Variants in MAST4 observed in about 807,000 individuals in gnomAD.
MAST4 encodes microtubule-associated serine/threonine-protein kinase 4.
A neutral mutation model predicts 162.7 loss-of-function variants in MAST4; 89 were observed. The observed-to-expected ratio is 0.55, with a 90% CI of 0.46 to 0.65. The LOEUF is 0.65. Ranked by LOEUF, MAST4 falls within the 30% of genes least tolerant of loss-of-function variation. The probability of loss-of-function intolerance (pLI) is 0.00; values close to 1 mark genes in which losing one functional copy is unlikely to be tolerated. For missense variants in MAST4, 3,153 were observed against 3,374.0 expected (o/e 0.93, Z 1.62); for synonymous variants, 1,479 against 1,361.1 (o/e 1.09, Z -1.91).
chr5:66,829,266 T>C (rs1757437520), intron 3 of MAST4, among the ~76,000 whole-genome samples: 1 of 152,084 alleles, frequency 6.6e-6, no homozygotes. Context: ...CAGTTTTGTG[T>C]CGGGATCAAC....
chr5:66,665,219 T>G (rs545833069), intron 1 of MAST4, among the ~76,000 whole-genome samples: 2 of 137,390 alleles, frequency 1.5e-5, no homozygotes, highest in South Asian at 4.4e-4. Context: ...AGTCTTTGAT[T>G]GTTTGTTTCT....
intron 3 of MAST4, among the ~76,000 whole-genome samples, chr5:66,843,245 G>A (rs569605793): frequency 1.2e-4 from 19 of 152,262 alleles, no homozygotes; most frequent in African/African-American, 1.7e-4. Context: ...TAGTTGTCAC[G>A]TTAGTGGTCC....
chr5:66,952,825 T>C (rs942895345), intron 4 of MAST4, among the ~76,000 whole-genome samples: 6 of 152,174 alleles, frequency 3.9e-5, no homozygotes, highest in African/African-American at 1.4e-4. Flanking sequence ...TTGCCCATCA[T>C]CTCATCTTCC....
At chr5:66,898,833 C>T (rs995919167) in intron 3 of MAST4, among the ~76,000 whole-genome samples, 3 of 152,166 alleles carry the variant, frequency 2.0e-5, no homozygotes, top group Non-Finnish European at 4.4e-5. Flanking sequence ...AGCTCTCCTC[C>T]CCTCTGGTCT....
chr5:66,995,898 C>CAA (rs1345032485), intron 4 of MAST4, among the ~76,000 whole-genome samples: 2 of 150,124 alleles, frequency 1.3e-5, no homozygotes, highest in Non-Finnish European at 3.0e-5. Flanking sequence ...TACACACACA[C>CAA]ACACACACAC....
intron 5 of MAST4, among the ~76,000 whole-genome samples, chr5:67,082,235 GC>G (rs948507472): frequency 2.1e-5 from 3 of 142,664 alleles, no homozygotes; most frequent in Admixed American, 1.5e-4. Flanking sequence ...TGCAACTTCT[GC>G]CCCCGGGGTG....
chr5:66,707,261 A>T (rs934429467), intron 1 of MAST4, among the ~76,000 whole-genome samples: 2 of 152,148 alleles, frequency 1.3e-5, no homozygotes, highest in African/African-American at 4.8e-5. Flanking sequence ...CTTCCGGCTC[A>T]CCACTCATTT....
intron 4 of MAST4, among the ~76,000 whole-genome samples, chr5:66,939,491 C>T (rs374044429): frequency 3.3e-5 from 5 of 152,062 alleles, no homozygotes; most frequent in East Asian, 1.9e-4. Context: ...TCACTAACAA[C>T]GTTTTACCTT....
Position 66,843,278 on chromosome 5 carries a change from T to G in MAST4, c.642+54484T>G, listed in dbSNP as rs543098523. ...TCCTGAAACAGAATACTCTTTTCCG[T>G]GCTGTCCATTCATTTGTATTTTTAA... is the stretch of plus-strand genomic sequence containing the variant. On this transcript the variant is annotated intron_variant, in intron 3 of 28. Coordinates refer to ENST00000403625, the MANE Select transcript of MAST4 (RefSeq NM_001164664.2). 3.0e-4 allele frequency among the ~76,000 whole-genome samples: 46 copies of G among 152,342 alleles called. 1 individual carries two copies. In the South Asian group the frequency reaches 9.1e-3, roughly 30 times the overall value.
chr5:66,967,071 G>A (rs115022163), intron 4 of MAST4, among the ~76,000 whole-genome samples: 2,459 of 152,270 alleles, frequency 0.016, 25 homozygotes, highest in Middle Eastern at 0.031. Flanking sequence ...CACAGAAAAA[G>A]CATGTTTTGT....
At chr5:66,743,516 A>C (rs1752585220) in intron 1 of MAST4, among the ~76,000 whole-genome samples, 1 of 152,194 alleles carries the variant, frequency 6.6e-6, no homozygotes, top group South Asian at 2.1e-4. Flanking sequence ...TGCTTTGGGC[A>C]GGTTGGTGGC....
intron 3 of MAST4, among the ~76,000 whole-genome samples, chr5:66,864,282 G>A (rs562575042): frequency 1.3e-5 from 2 of 152,318 alleles, no homozygotes; most frequent in Non-Finnish European, 2.9e-5. Context: ...TGAAGCATGG[G>A]CATTCTTTGC....
At chr5:67,080,814 A>T (rs1195285099) in intron 5 of MAST4, among the ~76,000 whole-genome samples, 2 of 150,650 alleles carry the variant, frequency 1.3e-5, no homozygotes, top group Non-Finnish European at 2.9e-5. Flanking sequence ...AGATGCACAG[A>T]TTTTAAGTCA....
At chr5:66,679,630 C>T (rs1748197702) in intron 1 of MAST4, among the ~76,000 whole-genome samples, 1 of 151,912 alleles carries the variant, frequency 6.6e-6, no homozygotes, top group South Asian at 2.1e-4. Flanking sequence ...TTGAAGTGAA[C>T]CTGTCACATG....
chr5:67,069,500 A>T (rs1340977178), intron 5 of MAST4, among the ~76,000 whole-genome samples: 1 of 151,944 alleles, frequency 6.6e-6, no homozygotes, highest in South Asian at 2.1e-4. Context: ...AATATTAAAG[A>T]TAAAAGAATG....
At chr5:66,737,716 T>C (rs1335282379) in intron 1 of MAST4, among the ~76,000 whole-genome samples, 1 of 152,218 alleles carries the variant, frequency 6.6e-6, no homozygotes, top group Non-Finnish European at 1.5e-5. Context: ...TTCTGAGTGA[T>C]ACCTCTACAA....
intron 1 of MAST4, among the ~76,000 whole-genome samples, chr5:66,626,460 C>T (rs1330186173): frequency 6.6e-6 from 1 of 152,206 alleles, no homozygotes. Flanking sequence ...GTGCAATACT[C>T]TTCCGCTGCA....
At chr5:67,153,154 C>T (rs1053273466) in intron 25 of MAST4, among the ~76,000 whole-genome samples, 1 of 152,132 alleles carries the variant, frequency 6.6e-6, no homozygotes, top group African/African-American at 2.4e-5. Flanking sequence ...TTTATTTTAT[C>T]ATTTTTTCCT....
At chr5:67,053,784 G>T (rs1037572213) in intron 4 of MAST4, among the ~76,000 whole-genome samples, 4 of 152,128 alleles carry the variant, frequency 2.6e-5, no homozygotes, top group African/African-American at 9.7e-5. Flanking sequence ...CCAGTAGCTA[G>T]CATGCTTGTG....
Sources: allele counts gnomAD v4.1 joint callset (sites outside exome capture counted in the v4.1 genomes callset), GRCh38; gene constraint gnomAD v4.1.1; transcripts MANE v1.5; gene names NCBI Gene and HGNC (gene_info 2026-07-23, HGNC 2026-07-21).